The following COL23A1 variants were observed in gnomAD, a reference collection of about 807,000 sequenced individuals.
The protein encoded by COL23A1 is collagen type XXIII alpha 1 chain, also known as collagen alpha-1(XXIII) chain.
COL23A1 carries 97 observed loss-of-function variants against 99.3 expected under a neutral mutation model. That is an observed-to-expected ratio of 0.98 (90% CI 0.83 to 1.16). COL23A1 has a LOEUF of 1.16. Ranked by LOEUF, COL23A1 falls within the 50% of genes most tolerant of loss-of-function variation. The pLI, the probability that COL23A1 is intolerant of heterozygous loss-of-function variation, is 0.00. For synonymous variants in COL23A1, 320 were observed against 308.2 expected (o/e 1.04, Z -0.40); for missense variants, 762 against 757.4 (o/e 1.01, Z -0.07).
Position 178,549,890 on chromosome 5 carries a change from T to C in COL23A1, c.361+10792A>G, listed in dbSNP as rs142989039. Among the ~76,000 whole-genome samples the C allele has an allele frequency of 2.8e-3, 426 of 152,342 alleles. 3 individuals carry two copies. The highest frequency in any genetic ancestry group is 9.2e-3 in the African/African-American group (383 of 41,574). On this transcript the variant is annotated intron_variant, in intron 2 of 28. Coordinates refer to ENST00000390654, the MANE Select transcript of COL23A1 (RefSeq NM_173465.4). Reference sequence around the variant, plus strand: ...TAACAAACATGAGAAAATGATGTTATTCATTAAATCTAGATGAAACGGACA... The same window carrying C: ...TAACAAACATGAGAAAATGATGTTACTCATTAAATCTAGATGAAACGGACA...
intron 2 of COL23A1, among the ~76,000 whole-genome samples, chr5:178,413,181 C>CAACAA (rs59583095): frequency 0.11 from 17,170 of 151,966 alleles, 1,457 homozygotes; most frequent in East Asian, 0.38. Flanking sequence ...CCCATCTCAA[C>CAACAA]AACAAAACAA....
rs1302919103 is a variant in COL23A1, at chr5:178,250,087, C to T, written c.1033G>A (p.Gly345Ser). The change falls in exon 18 of 29, where the codon GGT becomes AGT. Residue 345 changes from glycine (G) to serine (S), a missense_variant. Gly to Ser is a moderately conservative substitution (Grantham distance 56). Coordinates refer to ENST00000390654, the MANE Select transcript of COL23A1 (RefSeq NM_173465.4). ...PGAKGELGLP[G>S]APGIDGEKGP... is the part of the protein sequence containing the mutation. ...TTCTCTCCATCGATTCCTGGGGCAC[C>T]GGGCAATCCAAGCTCGCCCTGGAAG... 6.8e-6 allele frequency: 11 copies of T among 1,614,146 alleles called. No homozygotes were observed. Among genetic ancestry groups the T allele is most frequent in the East Asian group, 2.2e-5 (1 of 44,888 alleles).
intron 2 of COL23A1, among the ~76,000 whole-genome samples, chr5:178,376,274 T>C (rs2127729003): frequency 6.6e-6 from 1 of 152,326 alleles, no homozygotes; most frequent in South Asian, 2.1e-4. Context: ...GTCTGTTTTG[T>C]TATTTAGGTA....
At chr5:178,325,488 C>CTT (rs35087291) in intron 2 of COL23A1, among the ~76,000 whole-genome samples, 20 of 148,090 alleles carry the variant, frequency 1.4e-4, no homozygotes, top group South Asian at 4.3e-4. Context: ...CTTTCTCCCT[C>CTT]TTTTTTTTTT....
intron 2 of COL23A1, among the ~76,000 whole-genome samples, chr5:178,339,784 A>G (rs1425705983): frequency 6.6e-6 from 1 of 152,146 alleles, no homozygotes; most frequent in Non-Finnish European, 1.5e-5. Context: ...TCTTGAACTC[A>G]AGGGCTTCTG....
In COL23A1 at chr5:178,531,851, C is replaced by T. The variant is rs539930532; in HGVS notation, c.361+28831G>A. On this transcript the variant is annotated intron_variant, in intron 2 of 28. Transcript: ENST00000390654. ...GCGATCCCTGCCCCGGCATCCTGCACGCTCCCTCTGGCCAGTGCAGCATGA... is the reference window on the plus strand; with the variant it reads ...GCGATCCCTGCCCCGGCATCCTGCATGCTCCCTCTGGCCAGTGCAGCATGA... Among the ~76,000 whole-genome samples the T allele has an allele frequency of 2.0e-4, 30 of 152,336 alleles. No individual in the cohort carries two copies. The East Asian group carries it at 4.2e-3, about 22-fold the overall frequency.
intron 4 of COL23A1, 67 bp downstream of exon 4, chr5:178,290,295 A>C: frequency 3.8e-6 from 6 of 1,599,514 alleles, no homozygotes; most frequent in Non-Finnish European, 4.3e-6. Flanking sequence ...TGTTCATGGA[A>C]TTGCAACAGA....
At chr5:178,368,980 ATGAC>A (rs1338609755) in intron 2 of COL23A1, among the ~76,000 whole-genome samples, 3 of 152,256 alleles carry the variant, frequency 2.0e-5, no homozygotes, top group Admixed American at 6.5e-5. Flanking sequence ...AAGGAAATGA[ATGAC>A]TGCTCAGTGT....
intron 2 of COL23A1, among the ~76,000 whole-genome samples, chr5:178,555,528 G>A (rs1446101645): frequency 2.0e-5 from 3 of 152,190 alleles, no homozygotes; most frequent in Non-Finnish European, 4.4e-5. Context: ...AGATGGGCCT[G>A]AAGCCAGCTG....
At chr5:178,250,163 C>T in intron 17 of COL23A1, 58 bp from the exon 18 acceptor site, 1 of 1,603,178 alleles carries the variant, frequency 6.2e-7, no homozygotes, top group Non-Finnish European at 8.5e-7. Flanking sequence ...GAGGTGTCAG[C>T]AGCCAGAGGG....
intron 2 of COL23A1, among the ~76,000 whole-genome samples, chr5:178,497,863 C>A (rs1264748256): frequency 1.3e-5 from 2 of 151,524 alleles, no homozygotes; most frequent in African/African-American, 2.4e-5. Context: ...ATATGAAGAA[C>A]AGAATGAGTC....
At chr5:178,511,418 C>T (rs912707177) in intron 2 of COL23A1, among the ~76,000 whole-genome samples, 6 of 152,356 alleles carry the variant, frequency 3.9e-5, no homozygotes, top group Non-Finnish European at 7.3e-5. Flanking sequence ...TCTTCACCTC[C>T]GGCTGTGAGT....
intron 2 of COL23A1, among the ~76,000 whole-genome samples, chr5:178,505,693 C>A (rs1034163128): frequency 6.6e-6 from 1 of 152,144 alleles, no homozygotes; most frequent in Non-Finnish European, 1.5e-5. Flanking sequence ...ACTTCAGCAT[C>A]TTTTTGAAGG....
At chr5:178,264,765 T>C (rs893773747) in intron 8 of COL23A1, among the ~76,000 whole-genome samples, 1 of 152,224 alleles carries the variant, frequency 6.6e-6, no homozygotes, top group African/African-American at 2.4e-5. Context: ...CAAGCGATTC[T>C]CCTGCCTCAG....
chr5:178,407,215 T>C (rs1764812102), intron 2 of COL23A1, among the ~76,000 whole-genome samples: 3 of 152,280 alleles, frequency 2.0e-5, no homozygotes, highest in Admixed American at 1.3e-4. Context: ...GGAACTCTCA[T>C]CCCTTCCCAA....
rs200034990 is a variant in COL23A1, at chr5:178,247,784, T to A, written c.1260A>T (p.Pro420=). The change falls in exon 21 of 29, where the codon CCA becomes CCT. Residue 420 remains proline (P), a synonymous_variant. Transcript: ENST00000390654. ...EPGPPGPPGP[P]GPMGLQGIQG... ...AGCAAACCGTCCTTACCATCGGGCC[T>A]GGGGGGCCAGGGGGGCCAGGGGGCC... The A allele has an allele frequency of 6.2e-7, 1 of 1,613,358 alleles. No individual in the cohort carries two copies. The highest frequency in any genetic ancestry group is 1.3e-5 in the African/African-American group (1 of 74,982).
Position 178,413,825 on chromosome 5 carries a change from C to T in COL23A1, c.362-106906G>A, listed in dbSNP as rs915878661. Among the ~76,000 whole-genome samples, 7 of 151,922 alleles carry T rather than the reference C, an allele frequency of 4.6e-5. No homozygotes were observed. The East Asian group carries it at 5.8e-4, about 13-fold the overall frequency. ...GAATGCCTGAATCTTAGGGGAAGTG[C>T]GGTATTGTTGTAAAAGCTAAGTATT... is the stretch of plus-strand genomic sequence containing the variant. On this transcript the variant is annotated intron_variant, in intron 2 of 28. Transcript: ENST00000390654.
chr5:178,379,725 T>C (rs1561920514), intron 2 of COL23A1, among the ~76,000 whole-genome samples: 1 of 151,526 alleles, frequency 6.6e-6, no homozygotes. Flanking sequence ...CTACTAAAAA[T>C]ACAAAATGAG....
At chr5:178,363,833 T>C (rs1014615273) in intron 2 of COL23A1, among the ~76,000 whole-genome samples, 6 of 152,228 alleles carry the variant, frequency 3.9e-5, no homozygotes, top group African/African-American at 1.4e-4. Flanking sequence ...ACACAGCCTA[T>C]TTCTATGATC....
Sources: allele counts gnomAD v4.1 joint callset (sites outside exome capture counted in the v4.1 genomes callset), GRCh38; gene constraint gnomAD v4.1.1; transcripts MANE v1.5; gene names NCBI Gene and HGNC (gene_info 2026-07-23, HGNC 2026-07-21).